Variants in SLC25A38 observed in about 807,000 individuals in gnomAD.
SLC25A38 encodes the protein solute carrier family 25 member 38.
SLC25A38 carries 27 observed loss-of-function variants against 33.4 expected under a neutral mutation model. That is an observed-to-expected ratio of 0.81 (90% CI 0.60 to 1.11). The LOEUF (loss-of-function observed/expected upper bound fraction) is 1.11, where lower values mean the gene tolerates loss of function less well. Among genes scored for constraint, SLC25A38 ranks in the 50% most tolerant of loss-of-function variants. The pLI is 0.00. For synonymous variants in SLC25A38, 123 were observed against 145.9 expected (o/e 0.84, Z 1.13); for missense variants, 344 against 388.8 (o/e 0.88, Z 0.97).
At chr3:39,388,766 A>G (rs1010445026) in intron 1 of SLC25A38, among the ~76,000 whole-genome samples, 5 of 152,178 alleles carry the variant, frequency 3.3e-5, no homozygotes, top group Admixed American at 6.5e-5. Context: ...GCTGTCCTGT[A>G]ATGATAGCAC....
rs751755220 is a variant in SLC25A38 at position 39,383,905 on chromosome 3, C to T, written c.69+112C>T. 4.9e-6 allele frequency: 6 copies of T among 1,224,964 alleles called. No individual in the cohort carries two copies. The South Asian group carries it at 6.4e-5, about 13-fold the overall frequency. 75.9% of individuals were successfully genotyped at this position (1,224,964 alleles called of 1,614,324 possible). ...CCTTTTCCGCGCCCCAGGGTGCGCT[C>T]AGGATTTAGGATGCGGCGGGAGAGG... On this transcript the variant is annotated intron_variant, in intron 1 of 6. Coordinates refer to ENST00000650617, the MANE Select transcript of SLC25A38 (RefSeq NM_017875.4).
intron 4 of SLC25A38, 84 bp from the exon 5 acceptor site, chr3:39,391,769 A>G (rs1208490311): frequency 6.2e-7 from 1 of 1,604,928 alleles, no homozygotes; most frequent in African/African-American, 1.3e-5. Flanking sequence ...TCCCATGGTA[A>G]TGCCCCATAA....
At chr3:39,394,912 AATTAGT>A in intron 6 of SLC25A38, among the ~76,000 whole-genome samples, 1 of 152,286 alleles carries the variant, frequency 6.6e-6, no homozygotes, top group Admixed American at 6.5e-5. Context: ...ATCGGGGTGA[AATTAGT>A]ACTCTAATTG....
At chr3:39,395,949 G>A (rs1478162704) in intron 6 of SLC25A38, among the ~76,000 whole-genome samples, 2 of 151,220 alleles carry the variant, frequency 1.3e-5, no homozygotes, top group Non-Finnish European at 2.9e-5. Context: ...GGTAGCTCAC[G>A]CCTGTAATCC....
At chr3:39,383,864 G>A (rs2041676306) in intron 1 of SLC25A38, 71 bp downstream of exon 1, 2 of 1,557,986 alleles carry the variant, frequency 1.3e-6, no homozygotes, top group Non-Finnish European at 1.8e-6. Context: ...TCGGGGCGTT[G>A]CTAAGGCTCG....
chr3:39,395,737 A>G lies in SLC25A38; in HGVS notation c.793-661A>G, dbSNP rs538341770. Among the ~76,000 whole-genome samples, 24 of 152,044 alleles carry G rather than the reference A, an allele frequency of 1.6e-4. 1 individual carries two copies. Among genetic ancestry groups the G allele is most frequent in the African/African-American group, 5.5e-4 (23 of 41,464 alleles). ...GCACCTTTTCCTTCAGCCTGGATCC[A>G]GGATCCAGGGTTTGGCAAGCAGGTT... is the stretch of plus-strand genomic sequence containing the variant. On this transcript the variant is annotated intron_variant, in intron 6 of 6. Coordinates refer to ENST00000650617, the MANE Select transcript of SLC25A38 (RefSeq NM_017875.4).
At chr3:39,384,626 T>C (rs2041689318) in intron 1 of SLC25A38, 5 of 398,190 alleles carry the variant, frequency 1.3e-5, no homozygotes, top group East Asian at 7.1e-5. Flanking sequence ...CAGATGTGAA[T>C]TGGACTTAGG....
Position 39,383,733 on chromosome 3 carries a change from G to C in SLC25A38, c.9G>C (p.Gln3His). MIQNSRPSLLQPQ... is the reference protein window; with the variant it reads MIHNSRPSLLQPQ... The stretch of plus-strand genomic sequence containing the variant: ...CGCGGGCCTCATCTCCAATGATTCA[G>C]AACTCACGTCCGTCGCTGCTGCAAC... The change falls in exon 1 of 7, where the codon CAG becomes CAC. Residue 3 changes from glutamine to histidine, a missense_variant. This residue lies in a region of SLC25A38 where 269 missense variants were observed against 271.8 expected (regional missense o/e 0.99). Transcript: ENST00000650617. 1.9e-6 allele frequency: 3 copies of C among 1,614,184 alleles called. No homozygotes were observed. Among genetic ancestry groups the C allele is most frequent in the Non-Finnish European group, 2.5e-6 (3 of 1,179,992 alleles).
At chr3:39,392,410 C>T (rs575778599) in intron 5 of SLC25A38, among the ~76,000 whole-genome samples, 3 of 152,146 alleles carry the variant, frequency 2.0e-5, no homozygotes, top group South Asian at 2.1e-4. Context: ...TTTTTCAAGA[C>T]GCACTTGATG....
At chr3:39,387,174 G>A (rs56024134) in intron 1 of SLC25A38, among the ~76,000 whole-genome samples, 2,329 of 152,300 alleles carry the variant, frequency 0.015, 26 homozygotes, top group Non-Finnish European at 0.024. Flanking sequence ...TTTAGACTGG[G>A]TGGTATGGTG....
intron 1 of SLC25A38, chr3:39,384,608 C>T (rs2041689012): frequency 2.5e-6 from 1 of 398,150 alleles, no homozygotes; most frequent in African/African-American, 2.1e-5. Flanking sequence ...CTCTCCAGCC[C>T]TCGCCTCCAG....
chr3:39,393,237 G>T (rs926740700), intron 5 of SLC25A38, among the ~76,000 whole-genome samples: 1 of 152,036 alleles, frequency 6.6e-6, no homozygotes, highest in African/African-American at 2.4e-5. Context: ...GGTGAGTTGA[G>T]ATCATGCCAC....
intron 1 of SLC25A38, among the ~76,000 whole-genome samples, chr3:39,385,602 G>T (rs2041700784): frequency 6.6e-6 from 1 of 152,130 alleles, no homozygotes; most frequent in East Asian, 1.9e-4. Flanking sequence ...AGGGCCCACC[G>T]AGCCCTATCA....
chr3:39,387,003 A>G (rs1478047115), intron 1 of SLC25A38, among the ~76,000 whole-genome samples: 2 of 152,150 alleles, frequency 1.3e-5, no homozygotes, highest in African/African-American at 4.8e-5. Flanking sequence ...AAGTGGATGA[A>G]GAGCCATGGG....
rs1180926625 is a variant in SLC25A38 at position 39,391,955 on chromosome 3, C to A, written c.559C>A (p.Arg187=). ...CAGTGGCCTGACAGCAACTCTCCTT[C>A]GAGATGCGCCCTTCTCAGGAATCTA... is the stretch of plus-strand genomic sequence containing the variant. ...LFSGLTATLL[R]DAPFSGIYLM... The change falls in exon 5 of 7, where the codon CGA becomes AGA. Residue 187 remains arginine, a synonymous_variant. Coordinates refer to ENST00000650617, the MANE Select transcript of SLC25A38 (RefSeq NM_017875.4). 6.2e-7 allele frequency: 1 copy of A among 1,614,074 alleles called. No homozygotes were observed. The highest frequency in any genetic ancestry group is 8.5e-7 in the Non-Finnish European group (1 of 1,180,032).
In SLC25A38 at chr3:39,396,685, A is replaced by G; in HGVS notation, c.*165A>G. The G allele has an allele frequency of 9.4e-7, 1 of 1,069,076 alleles. No homozygotes were observed. Among genetic ancestry groups the G allele is most frequent in the Non-Finnish European group, 1.4e-6 (1 of 720,372 alleles). 66.2% of individuals were successfully genotyped at this position (1,069,076 alleles called of 1,614,324 possible). A position where few individuals can be genotyped will look rare whatever the true frequency, so the allele number is the denominator to read the frequency against. On this transcript the variant is annotated 3_prime_UTR_variant, in exon 7 of 7. Coordinates refer to ENST00000650617, the MANE Select transcript of SLC25A38 (RefSeq NM_017875.4). ...ATCCCCTTAAGGAGAAAATATATGG[A>G]CCTGATTTCAGCCTTCAGAATCTCC...
At chr3:39,391,825 A>T in intron 4 of SLC25A38, 28 bp from the exon 5 acceptor site, 1 of 1,612,790 alleles carries the variant, frequency 6.2e-7, no homozygotes, top group Non-Finnish European at 8.5e-7. Flanking sequence ...CCTCCATGCG[A>T]GTCACTGGTT....
chr3:39,396,223 A>AT (rs901344070), intron 6 of SLC25A38, among the ~76,000 whole-genome samples, 175 bp from the exon 7 acceptor site: 5 of 150,686 alleles, frequency 3.3e-5, no homozygotes, highest in Non-Finnish European at 7.4e-5. Context: ...AAAAAAAAAA[A>AT]TTTTTTTTAA....
chr3:39,392,948 C>A (rs2041789258), intron 5 of SLC25A38, among the ~76,000 whole-genome samples: 2 of 152,190 alleles, frequency 1.3e-5, no homozygotes. Context: ...TTAAAAATTT[C>A]TGAGGCCCAT....
Sources: gnomAD v4.1 joint callset for allele counts (sites outside exome capture counted in the v4.1 genomes callset) on GRCh38, gnomAD v4.1.1 for gene constraint, gnomAD v4.1.1 regional missense constraint, MANE v1.5 for transcripts, NCBI Gene and HGNC (gene_info 2026-07-23, HGNC 2026-07-21) for gene names.